GARNL3: variants seen among roughly 807,000 people sequenced by gnomAD.
GARNL3 encodes the protein GTPase activating Rap/RanGAP domain like 3.
Under a neutral mutation model 125.0 loss-of-function variants are expected in GARNL3, and 63 were observed. The observed-to-expected ratio is 0.50, with a 90% CI of 0.41 to 0.62. GARNL3 has a LOEUF of 0.62. Ranked by LOEUF, GARNL3 falls within the 20% of genes least tolerant of loss-of-function variation. The pLI, the probability that GARNL3 is intolerant of heterozygous loss-of-function variation, is 0.00. For synonymous variants in GARNL3, 439 were observed against 457.5 expected, an observed-to-expected ratio of 0.96 and a Z score of 0.52; for missense variants, 994 against 1,244.0, an observed-to-expected ratio of 0.80 and a Z score of 3.02.
chr9:127,234,856 T>C (rs2063082358), intron 1 of GARNL3, among the ~76,000 whole-genome samples: 1 of 152,320 alleles, frequency 6.6e-6, no homozygotes, highest in Non-Finnish European at 1.5e-5. Flanking sequence ...GACATATTCA[T>C]GAGAGCTGAG....
At chr9:127,231,832 C>T (rs1473365203) in intron 1 of GARNL3, among the ~76,000 whole-genome samples, 1 of 152,198 alleles carries the variant, frequency 6.6e-6, no homozygotes, top group African/African-American at 2.4e-5. Flanking sequence ...CTTCTTAAAA[C>T]ACAGTTGCCT....
At chr9:127,251,867 T>C (rs939025340) in intron 2 of GARNL3, among the ~76,000 whole-genome samples, 2 of 152,126 alleles carry the variant, frequency 1.3e-5, no homozygotes, top group Non-Finnish European at 1.5e-5. Flanking sequence ...AAGCAGGGCA[T>C]AAATTTCCCC....
intron 22 of GARNL3, among the ~76,000 whole-genome samples, chr9:127,374,089 G>C (rs918407366): frequency 6.6e-6 from 1 of 152,106 alleles, no homozygotes; most frequent in Non-Finnish European, 1.5e-5. Context: ...ATCACCTGAG[G>C]TCAGGAGTTC....
rs371022897 is a variant in GARNL3 at position 127,291,159 on chromosome 9, C to T, written c.145-9C>T. 3 of 1,612,942 alleles carry T rather than the reference C, an allele frequency of 1.9e-6. No individual in the cohort carries two copies. Among genetic ancestry groups the T allele is most frequent in the Non-Finnish European group, 2.5e-6 (3 of 1,179,226 alleles). Reference sequence around the variant, plus strand: ...AATGCTTCCTAATTGAATGCTTTTTCCCCCCTAGCTTATTTCCAGTGATGC... The same window carrying T: ...AATGCTTCCTAATTGAATGCTTTTTTCCCCCTAGCTTATTTCCAGTGATGC... On this transcript the variant is annotated splice_polypyrimidine_tract_variant and intron_variant, in intron 1 of 27. Coordinates refer to ENST00000373387, the MANE Select transcript of GARNL3 (RefSeq NM_032293.5).
chr9:127,355,287 C>A lies in GARNL3; in HGVS notation c.1760-10C>A, dbSNP rs369745207. The A allele has an allele frequency of 6.2e-7, 1 of 1,612,244 alleles. No homozygotes were observed. The highest frequency in any genetic ancestry group is 2.2e-5 in the East Asian group (1 of 44,860). On this transcript the variant is annotated splice_polypyrimidine_tract_variant and intron_variant, in intron 19 of 27. Transcript: ENST00000373387. ...GTCATGTGTAAGGCATCATTTCTTTCTCCTCCCAGGCTGCCACCTGTATGC... is the reference window on the plus strand; with the variant it reads ...GTCATGTGTAAGGCATCATTTCTTTATCCTCCCAGGCTGCCACCTGTATGC...
At chr9:127,262,220 A>G (rs1320978440), upstream of GARNL3, among the ~76,000 whole-genome samples, 1 of 152,236 alleles carries the variant, frequency 6.6e-6, no homozygotes, top group African/African-American at 2.4e-5. Flanking sequence ...TTTAACTGGT[A>G]GACTCAAATT....
chr9:127,286,849 G>A (rs1431614070), intron 1 of GARNL3, among the ~76,000 whole-genome samples: 3 of 152,162 alleles, frequency 2.0e-5, no homozygotes, highest in Non-Finnish European at 4.4e-5. Context: ...CTTATTGGGT[G>A]TATTAGTTGG....
At chr9:127,365,014 C>A (rs1831206586) in intron 21 of GARNL3, 2 of 383,212 alleles carry the variant, frequency 5.2e-6, no homozygotes, top group South Asian at 5.1e-5. Context: ...GGAGACATAC[C>A]AAACACAGAG....
chr9:127,266,126 A>G lies in GARNL3; in HGVS notation c.144+1105A>G, dbSNP rs1189200894. ...TTCTGTCTGTCACTGGTGACACCAC[A>G]CCACTTAGACCACCACCTCCCCTGA... On this transcript the variant is annotated intron_variant, in intron 1 of 27. Transcript: ENST00000373387. The surrounding 1 kb of genome is among the most constrained non-coding windows in gnomAD (Gnocchi z 4.0). Among the ~76,000 whole-genome samples, 1 of 152,234 alleles carries G rather than the reference A, an allele frequency of 6.6e-6. No homozygotes were observed. Among genetic ancestry groups the G allele is most frequent in the Admixed American group, 6.5e-5 (1 of 15,290 alleles).
chr9:127,252,589 T>G (rs1325045528), intron 2 of GARNL3, among the ~76,000 whole-genome samples: 2 of 152,208 alleles, frequency 1.3e-5, no homozygotes, highest in Non-Finnish European at 2.9e-5. Flanking sequence ...TTGCCTAAGA[T>G]CAAGCAGTGA....
intron 13 of GARNL3, among the ~76,000 whole-genome samples, chr9:127,341,115 G>T (rs2131605953): frequency 6.6e-6 from 1 of 152,272 alleles, no homozygotes; most frequent in African/African-American, 2.4e-5. Flanking sequence ...CACCAGCGTT[G>T]TTACCTCCCA....
chr9:127,245,523 G>A (rs979168409), intron 2 of GARNL3: 1 of 152,274 alleles, frequency 6.6e-6, no homozygotes, highest in Non-Finnish European at 1.5e-5. Flanking sequence ...GAAATGGGTG[G>A]AGTCAGGCCT....
chr9:127,230,656 C>CAAA (rs1178159379), intron 1 of GARNL3, among the ~76,000 whole-genome samples: 1 of 109,476 alleles, frequency 9.1e-6, no homozygotes, highest in Admixed American at 9.5e-5. Context: ...TCCATCTCAC[C>CAAA]AAAAAAAAAA....
chr9:127,297,047 C>G (rs1376497416), intron 2 of GARNL3, among the ~76,000 whole-genome samples: 1 of 152,162 alleles, frequency 6.6e-6, no homozygotes, highest in Non-Finnish European at 1.5e-5. Flanking sequence ...ATACCACACC[C>G]CTAAAGCAGT....
chr9:127,239,365 C>T (rs2063165384), intron 1 of GARNL3, among the ~76,000 whole-genome samples: 1 of 152,206 alleles, frequency 6.6e-6, no homozygotes, highest in South Asian at 2.1e-4. Flanking sequence ...CCCTTGCTGC[C>T]AGTCCTCACC....
At chr9:127,338,072 G>A (rs371446073) in intron 11 of GARNL3, 44 bp from the exon 12 acceptor site, 31 of 1,442,102 alleles carry the variant, frequency 2.1e-5, no homozygotes, top group African/African-American at 1.3e-4. Context: ...GCTGTCAGTC[G>A]TGAGCATCAG....
At chr9:127,264,469 G>T (rs189368550), upstream of GARNL3, 3 of 980,734 alleles carry the variant, frequency 3.1e-6, no homozygotes, top group East Asian at 1.1e-4. Flanking sequence ...CGATTGTGAA[G>T]TTTCTTTCTC....
At chr9:127,316,762 A>G (rs1402091731) in intron 4 of GARNL3, among the ~76,000 whole-genome samples, 2 of 152,138 alleles carry the variant, frequency 1.3e-5, no homozygotes, top group African/African-American at 4.8e-5. Flanking sequence ...GAGAGGGGTG[A>G]GAGTAGCAGG....
At chr9:127,261,810 C>A (rs978373150), upstream of GARNL3, among the ~76,000 whole-genome samples, 2 of 152,164 alleles carry the variant, frequency 1.3e-5, no homozygotes, top group Non-Finnish European at 2.9e-5. Flanking sequence ...GATCCAGAAA[C>A]TGATTTCTCA....
Sources: allele counts gnomAD v4.1 joint callset (sites outside exome capture counted in the v4.1 genomes callset), GRCh38; gene constraint gnomAD v4.1.1; non-coding constraint Gnocchi (gnomAD v3.1); transcripts MANE v1.5; gene names NCBI Gene and HGNC (gene_info 2026-07-23, HGNC 2026-07-21).